Variants in TMC2 observed in about 807,000 individuals in gnomAD.
TMC2 encodes the protein transmembrane channel like 2.
In TMC2, 102 loss-of-function variants were observed where a neutral mutation model predicts 105.9. The observed-to-expected ratio is 0.96, with a 90% CI of 0.82 to 1.14. The LOEUF is 1.14. TMC2 is among the 50% of genes most tolerant of loss of function. TMC2 has a pLI of 0.00. For synonymous variants in TMC2, 402 were observed against 422.8 expected, an observed-to-expected ratio of 0.95 and a Z score of 0.60; for missense variants, 1,093 against 1,134.3, an observed-to-expected ratio of 0.96 and a Z score of 0.52.
chr20:2,579,409 T>G (rs2086171938), intron 6 of TMC2, among the ~76,000 whole-genome samples, 182 bp downstream of exon 6: 1 of 150,354 alleles, frequency 6.7e-6, no homozygotes, highest in Non-Finnish European at 1.5e-5. Flanking sequence ...TATTTATTTA[T>G]TTATTTATTT....
intron 4 of TMC2, among the ~76,000 whole-genome samples, chr20:2,563,649 G>A (rs1007763599): frequency 6.6e-6 from 1 of 152,178 alleles, no homozygotes; most frequent in Non-Finnish European, 1.5e-5. Flanking sequence ...AAGTATGGGA[G>A]GTAATGCGTA....
At chr20:2,609,760 G>A (rs1458610530) in intron 11 of TMC2, among the ~76,000 whole-genome samples, 1 of 152,180 alleles carries the variant, frequency 6.6e-6, no homozygotes, top group East Asian at 1.9e-4. Context: ...GTGTGAGAGA[G>A]AGTGGGATAG....
chr20:2,608,697 C>G (rs892751664), intron 11 of TMC2, among the ~76,000 whole-genome samples: 1 of 152,146 alleles, frequency 6.6e-6, no homozygotes, highest in African/African-American at 2.4e-5. Context: ...GGCCTCTGTT[C>G]TACTGAGATG....
At chr20:2,569,505 T>A (rs6114977) in intron 4 of TMC2, among the ~76,000 whole-genome samples, 18,302 of 152,174 alleles carry the variant, frequency 0.12, 1,329 homozygotes, top group African/African-American at 0.19. Context: ...CAACTTACAA[T>A]TTTTTACTTA....
rs74787795 is a variant in TMC2 at position 2,588,021 on chromosome 20, C to T, written c.835-4289C>T. ...CCTCAATCTTGTATAATCCCCCCCC[C>T]CTTTGAGTATGGACAGAACCTAGGA... On this transcript the variant is annotated intron_variant, in intron 7 of 19. Coordinates refer to ENST00000358864, the MANE Select transcript of TMC2 (RefSeq NM_080751.3). Among the ~76,000 whole-genome samples the T allele has an allele frequency of 5.7e-4, 87 of 151,608 alleles. 2 individuals are homozygous for T. The East Asian group carries it at 0.014, about 24-fold the overall frequency.
intron 4 of TMC2, among the ~76,000 whole-genome samples, chr20:2,568,406 C>A (rs2086079097): frequency 6.6e-6 from 1 of 152,198 alleles, no homozygotes; most frequent in Admixed American, 6.5e-5. Flanking sequence ...GGACTCTTCA[C>A]AGTGACTGGT....
chr20:2,565,069 G>C (rs1441629434), intron 4 of TMC2, among the ~76,000 whole-genome samples: 2 of 152,184 alleles, frequency 1.3e-5, no homozygotes, highest in African/African-American at 4.8e-5. Flanking sequence ...CCACAAGCAG[G>C]CTGATTGATT....
intron 18 of TMC2, 67 bp downstream of exon 18, chr20:2,636,071 G>T: frequency 2.2e-6 from 3 of 1,353,088 alleles, no homozygotes; most frequent in African/African-American, 1.4e-5. Context: ...TTGCTAATTT[G>T]CTGTGTGAGC....
chr20:2,581,165 C>T (rs538567052), intron 7 of TMC2, among the ~76,000 whole-genome samples: 2 of 152,302 alleles, frequency 1.3e-5, no homozygotes, highest in East Asian at 3.9e-4. Context: ...ACATTTTCTG[C>T]ACAGCCACTT....
intron 11 of TMC2, among the ~76,000 whole-genome samples, chr20:2,606,879 AATTTC>A (rs2086396314): frequency 9.0e-6 from 1 of 111,154 alleles, no homozygotes; most frequent in African/African-American, 4.1e-5. Flanking sequence ...GTTTTCCCTT[AATTTC>A]TTTTTTCTTT....
chr20:2,608,306 A>T (rs1385444223), intron 11 of TMC2, among the ~76,000 whole-genome samples: 1 of 116,566 alleles, frequency 8.6e-6, no homozygotes, highest in African/African-American at 5.5e-5. Context: ...TTTATTTATT[A>T]TTATTATTAT....
At chr20:2,606,767 T>C (rs569415818) in intron 11 of TMC2, among the ~76,000 whole-genome samples, 1 of 151,698 alleles carries the variant, frequency 6.6e-6, no homozygotes, top group Non-Finnish European at 1.5e-5. Flanking sequence ...TTTCTTCATA[T>C]ATTTTTTATT....
chr20:2,599,027 G>A (rs147898496), intron 10 of TMC2, among the ~76,000 whole-genome samples: 2 of 152,262 alleles, frequency 1.3e-5, no homozygotes, highest in East Asian at 1.9e-4. Context: ...TGGAGTGTAT[G>A]TATAATTGAG....
chr20:2,602,637 G>C (rs777405972), intron 11 of TMC2, among the ~76,000 whole-genome samples: 3 of 152,118 alleles, frequency 2.0e-5, no homozygotes, highest in African/African-American at 4.8e-5. Flanking sequence ...TATGATTCTG[G>C]GCTCTCTTTT....
chr20:2,574,049 A>T (rs2086124883), intron 5 of TMC2, among the ~76,000 whole-genome samples: 1 of 152,166 alleles, frequency 6.6e-6, no homozygotes, highest in African/African-American at 2.4e-5. Flanking sequence ...GACTCTAATG[A>T]CTTTCACACT....
chr20:2,617,033 C>A, intron 15 of TMC2, 39 bp from the exon 16 acceptor site: 1 of 1,612,780 alleles, frequency 6.2e-7, no homozygotes. Flanking sequence ...GCCTTCCCTG[C>A]TGTCCAGCCA....
intron 2 of TMC2, among the ~76,000 whole-genome samples, chr20:2,544,156 T>A (rs1600094064): frequency 6.6e-6 from 1 of 151,540 alleles, no homozygotes; most frequent in African/African-American, 2.4e-5. Flanking sequence ...CCTCAAGTGA[T>A]CTGCCTGCCT....
chr20:2,567,557 T>C (rs1160072400), intron 4 of TMC2, among the ~76,000 whole-genome samples: 1 of 152,166 alleles, frequency 6.6e-6, no homozygotes, highest in Non-Finnish European at 1.5e-5. Flanking sequence ...TTTTATTTTA[T>C]TTATTTTTAT....
chr20:2,536,968 G>A (rs898747339), intron 1 of TMC2, among the ~76,000 whole-genome samples: 26 of 152,260 alleles, frequency 1.7e-4, no homozygotes, highest in African/African-American at 5.1e-4. Flanking sequence ...CTGCTGGGGC[G>A]TCTCAGCCAC....
Sources: gnomAD v4.1 joint callset for allele counts (sites outside exome capture counted in the v4.1 genomes callset) on GRCh38, gnomAD v4.1.1 for gene constraint, MANE v1.5 for transcripts, NCBI Gene and HGNC (gene_info 2026-07-23, HGNC 2026-07-21) for gene names.